Variants in PDZD2 observed in about 807,000 individuals in gnomAD.
PDZD2 encodes PDZ domain containing 2.
PDZD2 carries 90 observed loss-of-function variants against 220.7 expected under a neutral mutation model. The ratio of observed to expected loss-of-function variants is 0.41; its 90% CI spans 0.34 to 0.49. The LOEUF is 0.49. Ranked by LOEUF, PDZD2 falls within the 20% of genes least tolerant of loss-of-function variation. PDZD2 has a pLI of 0.28. For synonymous variants in PDZD2, 1,375 were observed against 1,450.5 expected, an observed-to-expected ratio of 0.95 and a Z score of 1.18; for missense variants, 3,174 against 3,608.5, an observed-to-expected ratio of 0.88 and a Z score of 3.08.
intron 14 of PDZD2, among the ~76,000 whole-genome samples, chr5:32,062,856 C>T (rs1314923600): frequency 2.6e-5 from 4 of 152,132 alleles, no homozygotes; most frequent in African/African-American, 9.6e-5. Context: ...GTTCCTCTAA[C>T]GACACATTCT....
At chr5:31,856,283 A>G (rs1758437298) in intron 2 of PDZD2, among the ~76,000 whole-genome samples, 1 of 152,128 alleles carries the variant, frequency 6.6e-6, no homozygotes. Context: ...ACCCACCCAC[A>G]GTTAATCCAG....
chr5:31,663,203 C>G (rs1243282209), intron 1 of PDZD2, among the ~76,000 whole-genome samples: 2 of 152,208 alleles, frequency 1.3e-5, no homozygotes, highest in African/African-American at 4.8e-5. Flanking sequence ...TAGTAAAAGA[C>G]TTGCAAGGCA....
intron 1 of PDZD2, among the ~76,000 whole-genome samples, chr5:31,790,617 CTG>C (rs1753648314): frequency 6.7e-6 from 1 of 148,588 alleles, no homozygotes; most frequent in Non-Finnish European, 1.5e-5. Context: ...GGTATCTAGT[CTG>C]TGTGTTTCTG....
At chr5:32,102,977 G>C (rs766345024) in intron 24 of PDZD2, among the ~76,000 whole-genome samples, 4 of 152,010 alleles carry the variant, frequency 2.6e-5, no homozygotes, top group South Asian at 2.1e-4. Context: ...AAATTAATGA[G>C]TAAAAGTAAA....
chr5:31,890,062 AAAAC>A (rs1180160349), intron 2 of PDZD2, among the ~76,000 whole-genome samples: 11 of 131,136 alleles, frequency 8.4e-5, no homozygotes, highest in Admixed American at 1.6e-4. Context: ...CACCCCCACC[AAAAC>A]AAACAAACAA....
intron 1 of PDZD2, among the ~76,000 whole-genome samples, chr5:31,650,465 CTAATTCATTTTCCCGCTCA>C (rs940879115): frequency 2.9e-4 from 44 of 152,216 alleles, no homozygotes; most frequent in African/African-American, 1.1e-3. Flanking sequence ...CCTGAGTTTA[CTAATTCATTTTCCCGCTCA>C]TAAACCCAGG....
At chr5:31,726,268 C>A (rs1749135405) in intron 1 of PDZD2, among the ~76,000 whole-genome samples, 1 of 152,220 alleles carries the variant, frequency 6.6e-6, no homozygotes, top group Admixed American at 6.5e-5. Flanking sequence ...GTGGCTCACG[C>A]CTATAATCCC....
intron 1 of PDZD2, among the ~76,000 whole-genome samples, chr5:31,674,897 A>G (rs1282051245): frequency 6.6e-6 from 1 of 152,006 alleles, no homozygotes; most frequent in Non-Finnish European, 1.5e-5. Flanking sequence ...GGAGAGGCAC[A>G]TTGTCCTCTG....
chr5:31,960,694 C>G (rs1178996841), intron 2 of PDZD2, among the ~76,000 whole-genome samples: 2 of 152,162 alleles, frequency 1.3e-5, no homozygotes, highest in East Asian at 1.9e-4. Flanking sequence ...ACATCTACCC[C>G]CAAAGCAAGC....
chr5:32,011,374 C>T (rs1447850093), intron 6 of PDZD2, among the ~76,000 whole-genome samples: 3 of 151,836 alleles, frequency 2.0e-5, no homozygotes, highest in Non-Finnish European at 4.4e-5. Context: ...TGGGGCATGC[C>T]TGTAGTCTCA....
chr5:31,896,956 C>T (rs1450987477), intron 2 of PDZD2, among the ~76,000 whole-genome samples: 2 of 152,146 alleles, frequency 1.3e-5, no homozygotes, highest in Non-Finnish European at 2.9e-5. Context: ...GTCTCAAAAA[C>T]CAGTTACAAA....
chr5:31,970,187 G>A (rs530720023), intron 2 of PDZD2, among the ~76,000 whole-genome samples: 15 of 152,056 alleles, frequency 9.9e-5, no homozygotes, highest in South Asian at 2.1e-4. Context: ...GAGCCACCGC[G>A]CCCGGCCCGA....
intron 2 of PDZD2, among the ~76,000 whole-genome samples, chr5:31,939,834 A>G (rs1746065286): frequency 6.6e-6 from 1 of 152,140 alleles, no homozygotes; most frequent in Non-Finnish European, 1.5e-5. Flanking sequence ...TTTTTTCCTT[A>G]TGGTGAATAG....
chr5:31,923,820 A>G (rs989370119), intron 2 of PDZD2, among the ~76,000 whole-genome samples: 1 of 152,222 alleles, frequency 6.6e-6, no homozygotes, highest in Admixed American at 6.5e-5. Flanking sequence ...TGCCTGGACA[A>G]GCACAACATC....
intron 2 of PDZD2, among the ~76,000 whole-genome samples, chr5:31,811,727 T>A (rs987330533): frequency 1.3e-5 from 2 of 152,062 alleles, no homozygotes; most frequent in Admixed American, 1.3e-4. Flanking sequence ...GGGTGGCTCA[T>A]GCCTGTAATC....
At chr5:31,792,576 T>C (rs1753787542) in intron 1 of PDZD2, among the ~76,000 whole-genome samples, 1 of 151,646 alleles carries the variant, frequency 6.6e-6, no homozygotes, top group Non-Finnish European at 1.5e-5. Flanking sequence ...CATGCCACCA[T>C]GCCCAGCTAA....
At position 32,066,898 on chromosome 5, in the gene PDZD2, G is replaced by A. The variant is rs1177513581; in HGVS notation, c.2452-2671G>A. On this transcript the variant is annotated intron_variant, in intron 14 of 24. Coordinates refer to ENST00000438447, the MANE Select transcript of PDZD2 (RefSeq NM_178140.4). ...TGTTTCTAGCCACAATAAAATGGTC[G>A]TCTGTGATAGTGTTGGAGCTATGTC... Among the ~76,000 whole-genome samples the A allele has an allele frequency of 5.3e-5, 8 of 152,332 alleles. No individual in the cohort carries two copies. In the Middle Eastern group the frequency reaches 0.01, roughly 194 times the overall value.
Position 31,826,711 on chromosome 5 carries a change from C to A in PDZD2, c.476+26987C>A, listed in dbSNP as rs185445821. Among the ~76,000 whole-genome samples, 6 of 151,820 alleles carry A rather than the reference C, an allele frequency of 4.0e-5. No homozygotes were observed. In the East Asian group the frequency reaches 1.2e-3, roughly 29 times the overall value. On this transcript the variant is annotated intron_variant, in intron 2 of 24. Coordinates refer to ENST00000438447, the MANE Select transcript of PDZD2 (RefSeq NM_178140.4). ...AAAAGATATATGAAACCTGTTTATT[C>A]GATATTATCAATGTAAATTAAAACA... is the stretch of plus-strand genomic sequence containing the variant.
intron 2 of PDZD2, among the ~76,000 whole-genome samples, chr5:31,948,833 T>TC (rs1561162580): frequency 6.6e-6 from 1 of 152,094 alleles, no homozygotes. Context: ...GTGTGGTGGC[T>TC]CATGCCTGTA....
Sources: allele counts gnomAD v4.1 joint callset (sites outside exome capture counted in the v4.1 genomes callset), GRCh38; gene constraint gnomAD v4.1.1; transcripts MANE v1.5; gene names NCBI Gene and HGNC (gene_info 2026-07-23, HGNC 2026-07-21).